Variants in PGM3 observed in about 807,000 individuals in gnomAD.
PGM3 encodes the protein phosphoglucomutase 3.
In PGM3, 40 loss-of-function variants were observed where a neutral mutation model predicts 66.2. The observed-to-expected ratio is 0.60, with a 90% CI of 0.47 to 0.79. PGM3 has a LOEUF of 0.79. PGM3 is among the 30% of genes least tolerant of loss of function. PGM3 has a pLI of 0.00. For missense variants in PGM3, 537 were observed against 643.4 expected, an observed-to-expected ratio of 0.83 and a Z score of 1.79; for synonymous variants, 191 against 224.2, an observed-to-expected ratio of 0.85 and a Z score of 1.32.
At chr6:83,160,110 T>C, downstream of PGM3, 4 of 778,098 alleles carry the variant, frequency 5.1e-6, no homozygotes, top group South Asian at 1.9e-5. Context: ...AGCAGAGTTA[T>C]CGGAAGTAAA....
intron 7 of PGM3, among the ~76,000 whole-genome samples, chr6:83,179,285 C>CT (rs1788001970): frequency 6.8e-6 from 1 of 147,368 alleles, no homozygotes; most frequent in Non-Finnish European, 1.5e-5. Flanking sequence ...GCACTCCAGC[C>CT]TGGGCAACAG....
chr6:83,163,518 CTGTT>C (rs1440948968), downstream of PGM3, among the ~76,000 whole-genome samples: 11 of 152,200 alleles, frequency 7.2e-5, no homozygotes, highest in African/African-American at 1.9e-4. Flanking sequence ...AGCATTCATT[CTGTT>C]TATCTATATG....
At chr6:83,152,312 C>T in the PGM3 span, 5 of 1,573,414 alleles carry the variant, frequency 3.2e-6, no homozygotes, top group Non-Finnish European at 4.3e-6. Flanking sequence ...GCAATGGAAA[C>T]CGCAAACATA....
chr6:83,150,257 C>A, the PGM3 span, among the ~76,000 whole-genome samples: 6 of 152,036 alleles, frequency 3.9e-5, no homozygotes, highest in African/African-American at 1.2e-4. Flanking sequence ...GCCTGTAGTC[C>A]CAGCTACACA....
intron 10 of PGM3, among the ~76,000 whole-genome samples, chr6:83,173,945 C>T (rs940174595): frequency 1.1e-4 from 16 of 151,894 alleles, no homozygotes; most frequent in African/African-American, 3.6e-4. Context: ...ACCCTGTTAG[C>T]CAGGAGGGTC....
At chr6:83,169,523 C>A (rs1386410831) in intron 12 of PGM3, 200 bp from the exon 13 acceptor site, 7 of 587,514 alleles carry the variant, frequency 1.2e-5, no homozygotes, top group African/African-American at 1.9e-5. Context: ...AGACCAAATT[C>A]TTCTAAATAA....
chr6:83,169,264 T>C lies in PGM3; in HGVS notation c.1599A>G (p.Gly533=). ...AACCTGGTTGGGGCCTTTCTCCAAT[T>C]CCTCCAGCCAGCTGAAATACTGCCA... ...VSLAVFQLAG[G]IGERPQPGF is the part of the protein sequence containing the mutation. Residue 533 remains glycine (G), a synonymous_variant, in exon 13 of 13, where the codon GGA becomes GGG. Coordinates refer to ENST00000513973, the MANE Select transcript of PGM3 (RefSeq NM_015599.3). 1 of 1,614,080 alleles carries C rather than the reference T, an allele frequency of 6.2e-7. No homozygotes were observed. Among genetic ancestry groups the C allele is most frequent in the Non-Finnish European group, 8.5e-7 (1 of 1,179,936 alleles).
At position 83,174,436 on chromosome 6, in the gene PGM3, G is replaced by A; in HGVS notation, c.1180C>T (p.Leu394=). 1.9e-6 allele frequency: 3 copies of A among 1,608,444 alleles called. No individual in the cohort carries two copies. The highest frequency in any genetic ancestry group is 1.7e-4 in the Middle Eastern group (1 of 6,042). Residue 394 remains leucine, a synonymous_variant, in exon 10 of 13, where the codon CTG becomes TTG. Transcript: ENST00000513973. ...EMKIKQSAEQ[L]EDKKRKAAKM... is the part of the protein sequence containing the mutation. The stretch of plus-strand genomic sequence containing the variant: ...GCAGCTTTTCTTTTCTTATCTTCCA[G>A]TTGTTCTGCTGATTGTTTTATCTTC...
At chr6:83,174,769 C>G (rs947221486) in intron 9 of PGM3, among the ~76,000 whole-genome samples, 1 of 152,190 alleles carries the variant, frequency 6.6e-6, no homozygotes, top group Non-Finnish European at 1.5e-5. Flanking sequence ...CAAGCACACA[C>G]AGTAAGTTCA....
rs192160030 is a variant in PGM3, at chr6:83,168,908, G to A, written c.*326C>T. The A allele has an allele frequency of 2.0e-5, 22 of 1,078,774 alleles. No individual in the cohort carries two copies. In the East Asian group the frequency reaches 1.4e-3, roughly 68 times the overall value. 66.8% of individuals were successfully genotyped at this position (1,078,774 alleles called of 1,614,324 possible). ...GGTGATGGCAAAGATATCACAAGGAGTTGGTAATAAGATTTAATTTTCCAG... is the reference window on the plus strand; with the variant it reads ...GGTGATGGCAAAGATATCACAAGGAATTGGTAATAAGATTTAATTTTCCAG... On this transcript the variant is annotated 3_prime_UTR_variant, in exon 13 of 13. Coordinates refer to ENST00000513973, the MANE Select transcript of PGM3 (RefSeq NM_015599.3).
At chr6:83,180,648 T>TTTTGTTC (rs1788110849) in intron 6 of PGM3, among the ~76,000 whole-genome samples, 1 of 152,190 alleles carries the variant, frequency 6.6e-6, no homozygotes, top group Admixed American at 6.5e-5. Context: ...AAGCAAGGAC[T>TTTTGTTC]ATGGTTTTGT....
Position 83,166,743 on chromosome 6 carries a change from A to G in PGM3, c.*2491T>C. ...AAGCAATAAGCTTGAGAGCACATAG[A>G]AGAAAATAAGCTGGATTTTGCATCT... is the stretch of plus-strand genomic sequence containing the variant. On this transcript the variant is annotated 3_prime_UTR_variant, in exon 13 of 13. Coordinates refer to ENST00000513973, the MANE Select transcript of PGM3 (RefSeq NM_015599.3). The G allele has an allele frequency of 4.4e-6, 5 of 1,132,956 alleles. No individual in the cohort carries two copies. The highest frequency in any genetic ancestry group is 5.4e-6 in the Non-Finnish European group (5 of 926,078). 70.2% of individuals were successfully genotyped at this position (1,132,956 alleles called of 1,614,324 possible). A position where few individuals can be genotyped will look rare whatever the true frequency, so the allele number is the denominator to read the frequency against.
chr6:83,166,245 G>T lies in PGM3; in HGVS notation c.*2989C>A. ...GAACGACCATAAAATGGTCAACATT[G>T]AGTTCTTGGGCAGCTCTCTTATAGT... On this transcript the variant is annotated 3_prime_UTR_variant, in exon 13 of 13. Coordinates refer to ENST00000513973, the MANE Select transcript of PGM3 (RefSeq NM_015599.3). The T allele has an allele frequency of 1.9e-6, 1 of 519,914 alleles. No individual in the cohort carries two copies. Among genetic ancestry groups the T allele is most frequent in the Non-Finnish European group, 3.4e-6 (1 of 295,232 alleles). The allele number at this position is 519,914 out of a possible 1,614,324, so 32.2% of individuals were successfully genotyped here.
chr6:83,160,930 T>A (rs1262357150), downstream of PGM3, among the ~76,000 whole-genome samples: 3 of 152,128 alleles, frequency 2.0e-5, no homozygotes, highest in Non-Finnish European at 4.4e-5. Flanking sequence ...AAATTACTTT[T>A]AGAGTCATTC....
intron 10 of PGM3, among the ~76,000 whole-genome samples, chr6:83,173,763 G>A (rs1787502750): frequency 6.6e-6 from 1 of 152,110 alleles, no homozygotes; most frequent in Non-Finnish European, 1.5e-5. Context: ...TTGAGACAGA[G>A]TCTCGCTCTG....
At chr6:83,152,238 T>C in the PGM3 span, 2 of 1,121,040 alleles carry the variant, frequency 1.8e-6, no homozygotes, top group East Asian at 5.3e-5. Flanking sequence ...ACACATAAAA[T>C]TTATTTTCAG....
intron 3 of PGM3, 118 bp downstream of exon 3, chr6:83,188,496 A>T (rs1487662401): frequency 6.6e-6 from 5 of 753,816 alleles, no homozygotes; most frequent in African/African-American, 5.2e-5. Flanking sequence ...GCAGGTAGAC[A>T]TGCAACTCAG....
At chr6:83,153,570 T>C in the PGM3 span, 1 of 1,610,152 alleles carries the variant, frequency 6.2e-7, no homozygotes, top group Non-Finnish European at 8.5e-7. Flanking sequence ...GGGTTATTCC[T>C]TTACTTGTAA....
the PGM3 span, among the ~76,000 whole-genome samples, chr6:83,149,373 T>C: frequency 6.6e-6 from 1 of 152,208 alleles, no homozygotes; most frequent in Admixed American, 6.5e-5. Flanking sequence ...TTGCCATTAT[T>C]CTTGATTCCT....
Sources: gnomAD v4.1 joint callset for allele counts (sites outside exome capture counted in the v4.1 genomes callset) on GRCh38, gnomAD v4.1.1 for gene constraint, MANE v1.5 for transcripts, NCBI Gene and HGNC (gene_info 2026-07-23, HGNC 2026-07-21) for gene names.